RBFOX1: variants seen among roughly 807,000 people sequenced by gnomAD.
RBFOX1 encodes the protein RNA binding protein fox-1 homolog 1.
RBFOX1 carries 8 observed loss-of-function variants against 57.7 expected under a neutral mutation model. The observed-to-expected ratio is 0.14, with a 90% confidence interval of 0.08 to 0.25. The LOEUF (loss-of-function observed/expected upper bound fraction) is 0.25, where lower values mean the gene tolerates loss of function less well. RBFOX1 is among the 10% of genes least tolerant of loss of function. The pLI is 1.00. For missense variants in RBFOX1, 611 were observed against 548.5 expected (o/e 1.11, Z -1.14); for synonymous variants, 326 against 222.4 (o/e 1.47, Z -4.15).
At chr16:7,232,900 C>T (rs181500571) in intron 4 of RBFOX1, among the ~76,000 whole-genome samples, 33 of 150,968 alleles carry the variant, frequency 2.2e-4, no homozygotes, top group African/African-American at 7.3e-5. Flanking sequence ...AAAGAACTTA[C>T]CTAGCACATG....
At position 7,138,456 on chromosome 16, in the gene RBFOX1, C is replaced by G. The variant is rs567264065; in HGVS notation, c.27+86358C>G. Among the ~76,000 whole-genome samples, 103 of 152,228 alleles carry G rather than the reference C, an allele frequency of 6.8e-4. 1 individual carries two copies. The highest frequency in any genetic ancestry group is 1.2e-3 in the South Asian group (6 of 4,814). Reference sequence around the variant, plus strand: ...CGTGGAGGCAAGGATGCTCAAAGCACCAGACCCAACCAGGACAAAGAAGAG... The same window carrying G: ...CGTGGAGGCAAGGATGCTCAAAGCAGCAGACCCAACCAGGACAAAGAAGAG... On this transcript the variant is annotated intron_variant, in intron 4 of 15. Transcript: ENST00000550418.
intron 3 of RBFOX1, among the ~76,000 whole-genome samples, chr16:5,857,994 C>A: frequency 6.6e-6 from 1 of 151,968 alleles, no homozygotes; most frequent in East Asian, 1.9e-4. Context: ...GTGCTATAAG[C>A]TTTTTGTGGT....
intron 4 of RBFOX1, among the ~76,000 whole-genome samples, chr16:7,495,246 C>G (rs999372793): frequency 7.2e-5 from 11 of 152,180 alleles, no homozygotes; most frequent in African/African-American, 1.9e-4. Flanking sequence ...AATTCCATGT[C>G]TCTGCTGTTG....
At chr16:7,631,236 C>T (rs2060904432) in intron 11 of RBFOX1, among the ~76,000 whole-genome samples, 2 of 152,090 alleles carry the variant, frequency 1.3e-5, no homozygotes. Flanking sequence ...AGTGCAGGGG[C>T]AGCAACATTA....
At chr16:7,069,212 G>T (rs1394502114) in intron 4 of RBFOX1, among the ~76,000 whole-genome samples, 1 of 151,992 alleles carries the variant, frequency 6.6e-6, no homozygotes, top group Non-Finnish European at 1.5e-5. Context: ...TGTTTTTTAA[G>T]TTCCAGGATA....
At chr16:6,972,371 A>G (rs1323506654) in intron 3 of RBFOX1, among the ~76,000 whole-genome samples, 2 of 152,082 alleles carry the variant, frequency 1.3e-5, no homozygotes, top group Admixed American at 1.3e-4. Flanking sequence ...ACTGGCTTAT[A>G]TCACTTAGCA....
intron 3 of RBFOX1, among the ~76,000 whole-genome samples, chr16:5,635,044 A>G (rs993255397): frequency 2.6e-5 from 4 of 152,186 alleles, no homozygotes; most frequent in African/African-American, 9.7e-5. Context: ...GTCTATTACT[A>G]AAATAAAAGA....
chr16:7,092,049 C>T (rs959669506), intron 4 of RBFOX1, among the ~76,000 whole-genome samples: 7 of 152,172 alleles, frequency 4.6e-5, no homozygotes, highest in African/African-American at 1.4e-4. Flanking sequence ...ATAGCACCAC[C>T]TCTTCTAGCA....
chr16:6,855,817 T>TCCTTCCCTC lies in RBFOX1; in HGVS notation c.-15-196237_-15-196236insTCCCTCCCT, dbSNP rs2057759668. 2.7e-5 allele frequency among the ~76,000 whole-genome samples: 3 copies of TCCTTCCCTC among 113,044 alleles called. No homozygotes were observed. The South Asian group carries it at 8.9e-4, about 34-fold the overall frequency. The allele number at this position is 113,044 out of a possible 152,430, so 74.2% of individuals were successfully genotyped here. A position where few individuals can be genotyped will look rare whatever the true frequency, so the allele number is the denominator to read the frequency against. ...TGATAAATTTCCTTCTTCCCTTCCT[T>TCCTTCCCTC]CCTCCTTCCCTCCCTCCTTCCCTCC... is the stretch of plus-strand genomic sequence containing the variant. On this transcript the variant is annotated intron_variant, in intron 3 of 15. Transcript: ENST00000550418.
chr16:5,901,842 C>A (rs540453582), intron 4 of RBFOX1, among the ~76,000 whole-genome samples: 1 of 152,144 alleles, frequency 6.6e-6, no homozygotes, highest in Admixed American at 6.5e-5. Flanking sequence ...CTTATCATTT[C>A]GTCTCTGCTG....
chr16:7,149,786 C>T (rs1177852956), intron 4 of RBFOX1, among the ~76,000 whole-genome samples: 1 of 152,092 alleles, frequency 6.6e-6, no homozygotes, highest in Admixed American at 6.6e-5. Flanking sequence ...GTGACTTTTC[C>T]ATTAAGTAAT....
intron 4 of RBFOX1, among the ~76,000 whole-genome samples, chr16:5,967,925 C>T (rs949422344): frequency 2.0e-5 from 3 of 152,192 alleles, no homozygotes; most frequent in East Asian, 3.9e-4. Context: ...CTCTGTTTTT[C>T]GTAGTTGTGC....
At chr16:5,859,452 A>G (rs1336137429) in intron 3 of RBFOX1, among the ~76,000 whole-genome samples, 2 of 152,250 alleles carry the variant, frequency 1.3e-5, no homozygotes. Flanking sequence ...ACTGAGCCTC[A>G]GACAGGTAAG....
chr16:6,554,786 A>C (rs1338397362), intron 2 of RBFOX1, among the ~76,000 whole-genome samples: 1 of 145,726 alleles, frequency 6.9e-6, no homozygotes, highest in African/African-American at 2.6e-5. Context: ...ACACAGACAC[A>C]CACACAGACA....
chr16:6,390,940 A>G (rs997692538), intron 2 of RBFOX1, among the ~76,000 whole-genome samples: 2 of 152,166 alleles, frequency 1.3e-5, no homozygotes, highest in Admixed American at 6.5e-5. Flanking sequence ...CCTCAGCACT[A>G]CTGACATTCG....
intron 3 of RBFOX1, among the ~76,000 whole-genome samples, chr16:6,672,809 C>G (rs2098775208): frequency 6.6e-6 from 1 of 152,162 alleles, no homozygotes; most frequent in Non-Finnish European, 1.5e-5. Context: ...TTTCTCTTCC[C>G]AAGTAATCCT....
At chr16:6,603,419 A>G (rs2097881279) in intron 2 of RBFOX1, among the ~76,000 whole-genome samples, 1 of 152,228 alleles carries the variant, frequency 6.6e-6, no homozygotes, top group African/African-American at 2.4e-5. Flanking sequence ...TCTCCTGCAC[A>G]AAACAAAAAT....
chr16:6,616,040 A>G (rs760818272), intron 2 of RBFOX1, among the ~76,000 whole-genome samples: 6 of 152,208 alleles, frequency 3.9e-5, no homozygotes, highest in Non-Finnish European at 5.9e-5. Flanking sequence ...TTTTGCGTTT[A>G]GGAAAGTCAG....
At chr16:7,709,416 A>G (rs1347892666) in intron 15 of RBFOX1, 3 of 1,307,862 alleles carry the variant, frequency 2.3e-6, no homozygotes, top group African/African-American at 3.0e-5. Flanking sequence ...AATTAAATCC[A>G]TCACTAACAG....
Sources: allele counts gnomAD v4.1 joint callset (sites outside exome capture counted in the v4.1 genomes callset), GRCh38; gene constraint gnomAD v4.1.1; transcripts MANE v1.5; gene names NCBI Gene and HGNC (gene_info 2026-07-23, HGNC 2026-07-21).